FGGY: variants seen among roughly 807,000 people sequenced by gnomAD.
FGGY encodes the protein FGGY carbohydrate kinase domain containing, also known as FGGY carbohydrate kinase domain-containing protein.
A neutral mutation model predicts 71.3 loss-of-function variants in FGGY; 72 were observed. That is an observed-to-expected ratio of 1.01 (90% CI 0.84 to 1.23). The LOEUF (loss-of-function observed/expected upper bound fraction) is 1.23, where lower values mean the gene tolerates loss of function less well. FGGY is among the 50% of genes most tolerant of loss of function. The probability of loss-of-function intolerance (pLI) is 0.00; values close to 1 mark genes in which losing one functional copy is unlikely to be tolerated. For synonymous variants in FGGY, 251 were observed against 250.3 expected (o/e 1.00, Z -0.02); for missense variants, 668 against 682.3 (o/e 0.98, Z 0.23).
At chr1:59,618,115 G>T (rs376959399) in intron 9 of FGGY, among the ~76,000 whole-genome samples, 1 of 151,994 alleles carries the variant, frequency 6.6e-6, no homozygotes, top group Non-Finnish European at 1.5e-5. Flanking sequence ...CCAAGAATAC[G>T]GTCACTCCAG....
intron 7 of FGGY, among the ~76,000 whole-genome samples, chr1:59,532,067 C>A (rs2095160116): frequency 6.6e-6 from 1 of 152,088 alleles, no homozygotes; most frequent in African/African-American, 2.4e-5. Context: ...AGTCCATATG[C>A]TGGTGGTATT....
intron 4 of FGGY, among the ~76,000 whole-genome samples, chr1:59,362,570 C>A (rs1398776502): frequency 6.6e-6 from 1 of 152,180 alleles, no homozygotes; most frequent in Non-Finnish European, 1.5e-5. Flanking sequence ...ATGCTTCTGC[C>A]TGCACTTTTA....
intron 5 of FGGY, among the ~76,000 whole-genome samples, chr1:59,450,052 A>G (rs912423331): frequency 6.6e-6 from 1 of 152,072 alleles, no homozygotes; most frequent in Admixed American, 6.6e-5. Context: ...TTCGCACTGG[A>G]GATTTTAGGT....
At chr1:59,564,148 A>C (rs1433431967) in intron 8 of FGGY, among the ~76,000 whole-genome samples, 3 of 152,232 alleles carry the variant, frequency 2.0e-5, no homozygotes, top group Admixed American at 2.0e-4. Flanking sequence ...TTCATGACTA[A>C]AACACCAAAA....
chr1:59,449,213 T>A (rs1351496705), intron 5 of FGGY, among the ~76,000 whole-genome samples: 1 of 152,210 alleles, frequency 6.6e-6, no homozygotes, highest in Non-Finnish European at 1.5e-5. Flanking sequence ...CCTGGTAACA[T>A]TTCTTGTTCT....
intron 5 of FGGY, among the ~76,000 whole-genome samples, chr1:59,403,466 C>A (rs2062264087): frequency 6.6e-6 from 1 of 152,156 alleles, no homozygotes; most frequent in Non-Finnish European, 1.5e-5. Flanking sequence ...AAGAGTCTGG[C>A]AGATTCTAGT....
At chr1:59,298,953 A>G (rs1362580095) in intron 1 of FGGY, among the ~76,000 whole-genome samples, 1 of 152,270 alleles carries the variant, frequency 6.6e-6, no homozygotes, top group Non-Finnish European at 1.5e-5. Flanking sequence ...GGGAAAGTGC[A>G]GATGAGTAAG....
intron 6 of FGGY, among the ~76,000 whole-genome samples, chr1:59,474,874 G>T (rs1046989343): frequency 7.2e-5 from 11 of 152,212 alleles, no homozygotes; most frequent in African/African-American, 2.7e-4. Context: ...TCTGCCATAT[G>T]TAACTTTGGG....
intron 7 of FGGY, among the ~76,000 whole-genome samples, chr1:59,522,888 A>C (rs1365333936): frequency 2.0e-5 from 3 of 152,208 alleles, no homozygotes; most frequent in Admixed American, 1.3e-4. Flanking sequence ...TAGTAAATGG[A>C]GCAAGGTGTC....
rs149656705 is a variant in FGGY at position 59,375,502 on chromosome 1, A to C, written c.466-3247A>C. Among the ~76,000 whole-genome samples the C allele has an allele frequency of 6.4e-3, 972 of 152,252 alleles. 9 individuals carry two copies. Among genetic ancestry groups the C allele is most frequent in the African/African-American group, 0.023 (951 of 41,546 alleles). On this transcript the variant is annotated intron_variant, in intron 4 of 15. Coordinates refer to ENST00000303721, the MANE Select transcript of FGGY (RefSeq NM_018291.5). ...AAGAGTACCTCAGACTTCCCACAAC[A>C]TGTTATTTCTAGTTGCTCATCCCAC...
chr1:59,589,567 C>G (rs1300104797), intron 8 of FGGY, among the ~76,000 whole-genome samples: 1 of 152,150 alleles, frequency 6.6e-6, no homozygotes, highest in African/African-American at 2.4e-5. Context: ...TGTAAAAGAA[C>G]AGAAATTATA....
At chr1:59,727,216 G>A (rs779329924) in intron 14 of FGGY, among the ~76,000 whole-genome samples, 14 of 152,106 alleles carry the variant, frequency 9.2e-5, no homozygotes, top group Non-Finnish European at 1.3e-4. Flanking sequence ...TGAAAAGGAC[G>A]TGATTTTTTT....
intron 14 of FGGY, among the ~76,000 whole-genome samples, chr1:59,715,613 C>G (rs2097840432): frequency 6.6e-6 from 1 of 152,196 alleles, no homozygotes; most frequent in African/African-American, 2.4e-5. Context: ...TATGAGATGT[C>G]AGATCTTGGA....
At chr1:59,296,636 C>G (rs1440904411), upstream of FGGY, 1 of 137,282 alleles carries the variant, frequency 7.3e-6, no homozygotes, top group Non-Finnish European at 1.6e-5. Flanking sequence ...AAGGGCCAAT[C>G]AGGCCGCGCT....
At chr1:59,600,417 G>T (rs1422253208) in intron 8 of FGGY, among the ~76,000 whole-genome samples, 1 of 152,170 alleles carries the variant, frequency 6.6e-6, no homozygotes, top group Admixed American at 6.5e-5. Context: ...AGCAAGGCCT[G>T]AGTGTGGGAT....
At chr1:59,408,314 G>T (rs1388868614) in intron 5 of FGGY, among the ~76,000 whole-genome samples, 2 of 152,156 alleles carry the variant, frequency 1.3e-5, no homozygotes, top group Non-Finnish European at 2.9e-5. Context: ...AAGCAACCTA[G>T]AATAAAATAT....
intron 14 of FGGY, among the ~76,000 whole-genome samples, chr1:59,677,776 C>A (rs2097451261): frequency 6.6e-6 from 1 of 152,166 alleles, no homozygotes; most frequent in Admixed American, 6.5e-5. Flanking sequence ...ATTGATATTG[C>A]AAATTTTGAA....
intron 8 of FGGY, among the ~76,000 whole-genome samples, chr1:59,597,340 G>A (rs552915104): frequency 3.3e-5 from 5 of 152,194 alleles, no homozygotes; most frequent in South Asian, 2.1e-4. Context: ...TACAATATGC[G>A]GTAAACAGGG....
chr1:59,297,709 G>C (rs1223293248), intron 1 of FGGY, among the ~76,000 whole-genome samples: 1 of 151,950 alleles, frequency 6.6e-6, no homozygotes, highest in Non-Finnish European at 1.5e-5. Context: ...TGCAGTCCCA[G>C]CTTCTCGGGA....
Sources: gnomAD v4.1 joint callset for allele counts (sites outside exome capture counted in the v4.1 genomes callset) on GRCh38, gnomAD v4.1.1 for gene constraint, MANE v1.5 for transcripts, NCBI Gene and HGNC (gene_info 2026-07-23, HGNC 2026-07-21) for gene names.